Variants in CTNNA3 observed in about 807,000 individuals in gnomAD.
CTNNA3 encodes catenin alpha-3.
Under a neutral mutation model 95.7 loss-of-function variants are expected in CTNNA3, and 76 were observed. The observed-to-expected ratio is 0.79, with a 90% CI of 0.66 to 0.96. The LOEUF (loss-of-function observed/expected upper bound fraction) is 0.96. Among genes scored for constraint, CTNNA3 ranks in the 40% least tolerant of loss-of-function variants. The pLI, the probability that CTNNA3 is intolerant of heterozygous loss-of-function variation, is 0.00. For synonymous variants in CTNNA3, 431 were observed against 374.4 expected (o/e 1.15, Z -1.74); for missense variants, 1,191 against 1,089.8 (o/e 1.09, Z -1.31).
chr10:67,464,803 G>T (rs1349433444), intron 5 of CTNNA3, among the ~76,000 whole-genome samples: 1 of 150,476 alleles, frequency 6.6e-6, no homozygotes, highest in Non-Finnish European at 1.5e-5. Context: ...TTTTGTTTTT[G>T]TTTTACCTAA....
At chr10:65,930,402 A>G (rs2077234494) in intron 17 of CTNNA3, among the ~76,000 whole-genome samples, 1 of 152,112 alleles carries the variant, frequency 6.6e-6, no homozygotes, top group Non-Finnish European at 1.5e-5. Context: ...AAGTAGATAA[A>G]CTAACACAAA....
At chr10:66,389,064 T>TA (rs2092915478) in intron 11 of CTNNA3, among the ~76,000 whole-genome samples, 1 of 152,154 alleles carries the variant, frequency 6.6e-6, no homozygotes, top group African/African-American at 2.4e-5. Context: ...TATGCCTAGC[T>TA]ACACAGCCTT....
At chr10:66,285,817 T>C (rs1267642148) in intron 12 of CTNNA3, among the ~76,000 whole-genome samples, 2 of 151,956 alleles carry the variant, frequency 1.3e-5, no homozygotes, top group Non-Finnish European at 1.5e-5. Context: ...GAAAGTGGCA[T>C]TAAGCATATG....
intron 7 of CTNNA3, among the ~76,000 whole-genome samples, chr10:67,090,903 A>T (rs1013549683): frequency 3.3e-5 from 5 of 152,014 alleles, no homozygotes; most frequent in African/African-American, 9.7e-5. Flanking sequence ...AATTGCTTAC[A>T]CTATTTATCT....
At chr10:67,551,322 C>G (rs887995714) in intron 3 of CTNNA3, among the ~76,000 whole-genome samples, 18 of 152,060 alleles carry the variant, frequency 1.2e-4, no homozygotes, top group Admixed American at 5.2e-4. Flanking sequence ...ACCGGTGGAA[C>G]GACGTGGAGT....
rs547364955 is a variant in CTNNA3 at position 66,845,698 on chromosome 10, T to C, written c.1048-70174A>G. On this transcript the variant is annotated intron_variant, in intron 7 of 17. Transcript: ENST00000433211. The stretch of plus-strand genomic sequence containing the variant: ...AGCCTGGGTAACAACAGCAAAACTC[T>C]GTCTCAAAAAAAAAAAAAAAAAAAA... 3.8e-3 allele frequency among the ~76,000 whole-genome samples: 25 copies of C among 6,588 alleles called. 1 individual carries two copies. Among genetic ancestry groups the C allele is most frequent in the Middle Eastern group, 0.17 (1 of 6 alleles). The allele number at this position is 6,588 out of a possible 152,430, so 4.3% of individuals were successfully genotyped here.
At chr10:66,360,705 TTTCC>T (rs1362337882) in intron 12 of CTNNA3, among the ~76,000 whole-genome samples, 8 of 123,492 alleles carry the variant, frequency 6.5e-5, no homozygotes, top group African/African-American at 2.0e-4. Context: ...TCTTTCTTTC[TTTCC>T]TCCTTCCTTT....
chr10:66,423,508 G>A (rs2093213616), intron 11 of CTNNA3, among the ~76,000 whole-genome samples: 1 of 152,126 alleles, frequency 6.6e-6, no homozygotes. Context: ...GCTAAGGTCA[G>A]CATGAACATA....
In CTNNA3 at chr10:65,920,078, T is replaced by C. The variant is rs568163456; in HGVS notation, c.*252A>G. The C allele has an allele frequency of 2.6e-5, 13 of 504,014 alleles. No homozygotes were observed. In the Admixed American group the frequency reaches 4.3e-4, roughly 17 times the overall value. 31.2% of individuals were successfully genotyped at this position (504,014 alleles called of 1,614,324 possible). A position where few individuals can be genotyped will look rare whatever the true frequency, so the allele number is the denominator to read the frequency against. On this transcript the variant is annotated 3_prime_UTR_variant, in exon 18 of 18. Coordinates refer to ENST00000433211, the MANE Select transcript of CTNNA3 (RefSeq NM_013266.4). The stretch of plus-strand genomic sequence containing the variant: ...AGATAATCTCTATGATGGGAAACGC[T>C]GAATGACACGTGATAATTTCATTCA...
chr10:67,175,788 T>A (rs889057922), intron 7 of CTNNA3, among the ~76,000 whole-genome samples: 9 of 152,126 alleles, frequency 5.9e-5, no homozygotes, highest in Non-Finnish European at 1.2e-4. Context: ...CCCAGAAAAA[T>A]ATCCATGCTT....
intron 1 of CTNNA3, among the ~76,000 whole-genome samples, chr10:67,745,390 T>G (rs1160221167): frequency 6.6e-6 from 1 of 151,846 alleles, no homozygotes; most frequent in Non-Finnish European, 1.5e-5. Context: ...ACCATCATTC[T>G]CAGCAAACTA....
intron 5 of CTNNA3, among the ~76,000 whole-genome samples, chr10:67,474,514 G>T (rs1296008504): frequency 6.6e-6 from 1 of 152,070 alleles, no homozygotes; most frequent in African/African-American, 2.4e-5. Context: ...GAACTGTGAA[G>T]ATAAAAATTT....
At chr10:66,040,518 C>G (rs1205157418) in intron 15 of CTNNA3, among the ~76,000 whole-genome samples, 1 of 151,678 alleles carries the variant, frequency 6.6e-6, no homozygotes, top group East Asian at 1.9e-4. Flanking sequence ...AACTATGGTA[C>G]ATATACACCA....
chr10:66,388,680 T>C (rs2092912338), intron 11 of CTNNA3, among the ~76,000 whole-genome samples: 1 of 145,060 alleles, frequency 6.9e-6, no homozygotes, highest in African/African-American at 2.6e-5. Context: ...AAATTATAAA[T>C]AAAATAACGA....
At chr10:67,220,921 C>T (rs1285493501) in intron 5 of CTNNA3, among the ~76,000 whole-genome samples, 13 of 152,098 alleles carry the variant, frequency 8.5e-5, no homozygotes. Flanking sequence ...CCAGTCTAAT[C>T]ATGAGAAAAG....
chr10:67,207,664 C>A (rs1863961887), intron 6 of CTNNA3, among the ~76,000 whole-genome samples: 1 of 152,152 alleles, frequency 6.6e-6, no homozygotes, highest in South Asian at 2.1e-4. Flanking sequence ...CTCCATGTTG[C>A]CCTCCCTCCA....
chr10:66,967,109 T>C (rs1018291850), intron 7 of CTNNA3, among the ~76,000 whole-genome samples: 3 of 152,084 alleles, frequency 2.0e-5, no homozygotes, highest in African/African-American at 7.2e-5. Context: ...GGAACGTTGA[T>C]GGTTCTGCTA....
At chr10:67,730,029 A>C (rs1359354031) in intron 1 of CTNNA3, among the ~76,000 whole-genome samples, 2 of 152,208 alleles carry the variant, frequency 1.3e-5, no homozygotes, top group Non-Finnish European at 2.9e-5. Context: ...AAACCAAAAA[A>C]TAAATAATCC....
intron 1 of CTNNA3, among the ~76,000 whole-genome samples, chr10:67,714,567 C>T (rs1359821990): frequency 6.6e-6 from 1 of 152,184 alleles, no homozygotes; most frequent in Non-Finnish European, 1.5e-5. Context: ...AAGGCACTTG[C>T]CTTATCTCAG....
Sources: allele counts gnomAD v4.1 joint callset (sites outside exome capture counted in the v4.1 genomes callset), GRCh38; gene constraint gnomAD v4.1.1; transcripts MANE v1.5; gene names NCBI Gene and HGNC (gene_info 2026-07-23, HGNC 2026-07-21).